Variants in TRIM5 observed in about 807,000 individuals in gnomAD.
TRIM5 encodes tripartite motif-containing protein 5.
TRIM5 carries 31 observed loss-of-function variants against 35.6 expected under a neutral mutation model. The ratio of observed to expected loss-of-function variants is 0.87; its 90% confidence interval spans 0.65 to 1.18. TRIM5 has a LOEUF of 1.18. TRIM5 is among the 50% of genes most tolerant of loss of function. The probability of loss-of-function intolerance (pLI) is 0.00; values close to 1 mark genes in which losing one functional copy is unlikely to be tolerated. For synonymous variants in TRIM5, 243 were observed against 215.6 expected, an observed-to-expected ratio of 1.13 and a Z score of -1.11; for missense variants, 609 against 591.6, an observed-to-expected ratio of 1.03 and a Z score of -0.31.
chr11:5,673,544 A>G (rs1851725215), intron 4 of TRIM5, among the ~76,000 whole-genome samples: 1 of 152,278 alleles, frequency 6.6e-6, no homozygotes, highest in Admixed American at 6.5e-5. Flanking sequence ...ACCATAAAGG[A>G]TATAGAAGAC....
chr11:5,622,865 G>A, the TRIM5 span, among the ~76,000 whole-genome samples: 1 of 152,156 alleles, frequency 6.6e-6, no homozygotes, highest in Non-Finnish European at 1.5e-5. Flanking sequence ...GCCTCAGGAG[G>A]TCCTGACAAC....
At chr11:5,667,120 AC>A (rs1200924775) in intron 5 of TRIM5, among the ~76,000 whole-genome samples, 1 of 152,170 alleles carries the variant, frequency 6.6e-6, no homozygotes, top group Non-Finnish European at 1.5e-5. Flanking sequence ...CCCTGAAACC[AC>A]TACTGACCCA....
At chr11:5,595,502 G>A in the TRIM5 span, among the ~76,000 whole-genome samples, 7 of 152,064 alleles carry the variant, frequency 4.6e-5, no homozygotes, top group South Asian at 2.1e-4. Flanking sequence ...GCTTTTACTC[G>A]TATAACTTTA....
At chr11:5,643,409 C>A in the TRIM5 span, 1 of 1,614,056 alleles carries the variant, frequency 6.2e-7, no homozygotes, top group Non-Finnish European at 8.5e-7. Context: ...ATCTTTACAC[C>A]AAATACAGAC....
the TRIM5 span, among the ~76,000 whole-genome samples, chr11:5,630,935 T>C: frequency 1.3e-5 from 2 of 152,372 alleles, no homozygotes; most frequent in East Asian, 3.9e-4. Flanking sequence ...ATTTCCAAAA[T>C]AAACACATGA....
the TRIM5 span, among the ~76,000 whole-genome samples, chr11:5,635,412 G>A: frequency 1.3e-5 from 2 of 151,628 alleles, no homozygotes; most frequent in African/African-American, 2.4e-5. Flanking sequence ...CCACCACCAC[G>A]TCTGGCTAAT....
intron 3 of TRIM5, 36 bp from the exon 4 acceptor site, chr11:5,678,470 C>T: frequency 6.8e-7 from 1 of 1,465,706 alleles, no homozygotes; most frequent in Non-Finnish European, 9.1e-7. Context: ...GGCACTCAGT[C>T]TACCAGGCAG....
chr11:5,669,630 T>C (rs551969595), intron 4 of TRIM5, among the ~76,000 whole-genome samples: 123 of 152,288 alleles, frequency 8.1e-4, no homozygotes, highest in Non-Finnish European at 1.5e-3. Context: ...GATTAAGTGG[T>C]GAAAAAAACT....
chr11:5,665,958 GT>G, intron 6 of TRIM5, 22 bp downstream of exon 6: 1 of 1,591,520 alleles, frequency 6.3e-7, no homozygotes, highest in Non-Finnish European at 8.5e-7. Context: ...CCATAACCCT[GT>G]TGTTGATCTA....
chr11:5,596,837 G>A, the TRIM5 span: 28 of 1,613,452 alleles, frequency 1.7e-5, no homozygotes, highest in African/African-American at 3.7e-4. Flanking sequence ...GGATTGCTCT[G>A]AAGAGCTTTG....
the TRIM5 span, chr11:5,641,409 G>C: frequency 1.7e-6 from 2 of 1,211,364 alleles, no homozygotes; most frequent in Non-Finnish European, 2.2e-6. Context: ...GAAGTTCAGA[G>C]CTACAGCCAA....
chr11:5,602,455 T>A, the TRIM5 span, among the ~76,000 whole-genome samples: 3 of 151,034 alleles, frequency 2.0e-5, no homozygotes, highest in African/African-American at 7.3e-5. Context: ...GGTGAATATG[T>A]GGAGAGTGAT....
At chr11:5,672,426 G>T (rs1209534477) in intron 4 of TRIM5, among the ~76,000 whole-genome samples, 1 of 152,070 alleles carries the variant, frequency 6.6e-6, no homozygotes, top group Non-Finnish European at 1.5e-5. Flanking sequence ...TGGCCAGCTG[G>T]TCTTGAACTC....
chr11:5,658,120 C>G, the TRIM5 span, among the ~76,000 whole-genome samples: 13 of 152,112 alleles, frequency 8.5e-5, no homozygotes, highest in African/African-American at 3.1e-4. Context: ...CCAAGATCAC[C>G]CTGGCCTGCT....
the TRIM5 span, among the ~76,000 whole-genome samples, chr11:5,650,908 T>C: frequency 6.6e-6 from 1 of 152,222 alleles, no homozygotes; most frequent in Non-Finnish European, 1.5e-5. Flanking sequence ...ATCTTCCTTA[T>C]CTGCCACAGA....
the TRIM5 span, among the ~76,000 whole-genome samples, chr11:5,613,869 G>C: frequency 6.7e-6 from 1 of 149,570 alleles, no homozygotes; most frequent in Admixed American, 6.8e-5. Context: ...TTTTGGAAGG[G>C]AGAGGGACTT....
chr11:5,607,318 A>G, the TRIM5 span, among the ~76,000 whole-genome samples: 14 of 152,228 alleles, frequency 9.2e-5, no homozygotes, highest in Non-Finnish European at 1.5e-5. Flanking sequence ...TCAGTTCCTC[A>G]GTACAGCCAC....
At chr11:5,656,355 C>CTTT in the TRIM5 span, among the ~76,000 whole-genome samples, 5 of 142,866 alleles carry the variant, frequency 3.5e-5, no homozygotes, top group Non-Finnish European at 7.6e-5. Flanking sequence ...TGAACAGACA[C>CTTT]TTTTTTTTTT....
chr11:5,637,249 C>T, the TRIM5 span, among the ~76,000 whole-genome samples: 5 of 152,138 alleles, frequency 3.3e-5, no homozygotes, highest in Non-Finnish European at 7.4e-5. Context: ...CCTGTAACAG[C>T]TTTCTTTCTA....
Sources: allele counts gnomAD v4.1 joint callset (sites outside exome capture counted in the v4.1 genomes callset), GRCh38; gene constraint gnomAD v4.1.1; transcripts MANE v1.5; gene names NCBI Gene and HGNC (gene_info 2026-07-23, HGNC 2026-07-21).